Variants in NRG1 observed in about 807,000 individuals in gnomAD.
NRG1 encodes pro-neuregulin-1, membrane-bound isoform.
Under a neutral mutation model 63.8 loss-of-function variants are expected in NRG1, and 18 were observed. The observed-to-expected ratio is 0.28, with a 90% CI of 0.19 to 0.42. The LOEUF is 0.42. NRG1 is among the 10% of genes least tolerant of loss of function. NRG1 has a pLI of 1.00. For synonymous variants in NRG1, 302 were observed against 301.3 expected (o/e 1.00, Z -0.02); for missense variants, 762 against 814.7 (o/e 0.94, Z 0.79).
chr8:32,558,410 A>G (rs1835613167), intron 1 of NRG1, among the ~76,000 whole-genome samples: 1 of 152,176 alleles, frequency 6.6e-6, no homozygotes, highest in Non-Finnish European at 1.5e-5. Context: ...TTTACTTTCC[A>G]TTAAGATATG....
intron 1 of NRG1, among the ~76,000 whole-genome samples, chr8:32,520,982 C>T (rs1361645161): frequency 6.6e-6 from 1 of 152,190 alleles, no homozygotes; most frequent in East Asian, 1.9e-4. Context: ...TTCATGTAAT[C>T]ATAGCCCCAA....
chr8:32,747,759 C>A (rs60522548), intron 7 of NRG1, among the ~76,000 whole-genome samples: 4 of 108,186 alleles, frequency 3.7e-5, no homozygotes, highest in African/African-American at 1.1e-4. Context: ...TATATATATA[C>A]TTTAAAAAAT....
rs367763292 is a variant in NRG1, at chr8:32,284,489, GCCTTCCTTCCTTCCTT to G, written c.38-311301_38-311286del. ...ATAATGCTTGCCTCCCTGCCTGCCT[GCCTTCCTTCCTTCCTT>G]CCTTCCTTCCTTCCTTCCTTCCTTC... On this transcript the variant is annotated intron_variant, in intron 1 of 10. Coordinates refer to the NRG1 transcript ENST00000519301. 1.3e-3 allele frequency among the ~76,000 whole-genome samples: 179 copies of G among 132,610 alleles called. 1 individual carries two copies. The highest frequency in any genetic ancestry group is 9.7e-3 in the South Asian group (36 of 3,714). 87.0% of individuals were successfully genotyped at this position (132,610 alleles called of 152,430 possible). A position where few individuals can be genotyped will look rare whatever the true frequency, so the allele number is the denominator to read the frequency against.
At chr8:32,557,426 A>C (rs1447437993) in intron 1 of NRG1, among the ~76,000 whole-genome samples, 1 of 152,314 alleles carries the variant, frequency 6.6e-6, no homozygotes, top group Admixed American at 6.5e-5. Flanking sequence ...ACAACATTTT[A>C]TTGTTTAAAA....
At position 32,434,536 on chromosome 8, in the gene NRG1, G is replaced by A. The variant is rs16879379; in HGVS notation, c.38-161292G>A. On this transcript the variant is annotated intron_variant, in intron 1 of 10. Coordinates refer to the NRG1 transcript ENST00000519301. ...TCTTAATGCCCCAGAAGCCCAGATC[G>A]GGACCCACCACTGGGAGTTACAGCC... Among the ~76,000 whole-genome samples the A allele has an allele frequency of 8.1e-3, 1,227 of 152,174 alleles. 18 individuals carry two copies. The highest frequency in any genetic ancestry group is 0.027 in the African/African-American group (1,131 of 41,510).
At chr8:31,783,839 T>A (rs1421439637) in intron 1 of NRG1, among the ~76,000 whole-genome samples, 1 of 152,200 alleles carries the variant, frequency 6.6e-6, no homozygotes, top group Non-Finnish European at 1.5e-5. Context: ...ACGATCCTCA[T>A]AATTGCTAAA....
intron 1 of NRG1, among the ~76,000 whole-genome samples, chr8:31,983,855 C>T (rs1809588758): frequency 6.6e-6 from 1 of 152,010 alleles, no homozygotes; most frequent in African/African-American, 2.4e-5. Flanking sequence ...CAAGTTGAGT[C>T]TTGCTATAAG....
intron 1 of NRG1, among the ~76,000 whole-genome samples, chr8:32,567,281 A>G (rs376733117): frequency 3.0e-4 from 46 of 152,226 alleles, no homozygotes; most frequent in East Asian, 5.8e-4. Flanking sequence ...CAAAATGTCA[A>G]TGTGTTAATC....
intron 1 of NRG1, among the ~76,000 whole-genome samples, chr8:32,220,605 T>C (rs1319265957): frequency 1.3e-5 from 2 of 152,172 alleles, no homozygotes; most frequent in African/African-American, 4.8e-5. Context: ...GGGGAAAATA[T>C]ATCAGAACTA....
At chr8:32,373,914 T>C (rs1809274510) in intron 1 of NRG1, among the ~76,000 whole-genome samples, 3 of 152,192 alleles carry the variant, frequency 2.0e-5, no homozygotes, top group Non-Finnish European at 4.4e-5. Flanking sequence ...CTTCAAATAT[T>C]ATTATAACTG....
rs779091230 is a variant in NRG1, at chr8:31,640,737, C to G, written c.37+1306C>G. 6.4e-7 allele frequency: 1 copy of G among 1,553,954 alleles called. No homozygotes were observed. The highest frequency in any genetic ancestry group is 1.2e-5 in the South Asian group (1 of 84,020). ...TGCTGTGCAAGCGGTGCGGTAAGTT[C>G]CTCGCCCTTGGGGGCGCGAACCCGC... On this transcript the variant is annotated intron_variant, in intron 1 of 10. Transcript: ENST00000519301. This position sits in a 1 kb window ranked among gnomAD's most constrained non-coding sequence, Gnocchi z 6.3.
At chr8:31,868,926 C>CT (rs932738163) in intron 1 of NRG1, among the ~76,000 whole-genome samples, 1 of 152,176 alleles carries the variant, frequency 6.6e-6, no homozygotes, top group Non-Finnish European at 1.5e-5. Flanking sequence ...GTGATCACCT[C>CT]TAAAATCAGG....
intron 1 of NRG1, among the ~76,000 whole-genome samples, chr8:32,397,822 G>T (rs1203619255): frequency 6.6e-6 from 1 of 152,164 alleles, no homozygotes. Context: ...ATGAAAGCAA[G>T]TTGACATTCT....
intron 1 of NRG1, among the ~76,000 whole-genome samples, chr8:32,241,460 C>A (rs868841864): frequency 6.6e-6 from 1 of 152,104 alleles, no homozygotes; most frequent in Non-Finnish European, 1.5e-5. Flanking sequence ...TACAAAGCCT[C>A]GGATTGCATA....
intron 1 of NRG1, among the ~76,000 whole-genome samples, chr8:31,774,242 T>TTGCC (rs1432081123): frequency 6.6e-6 from 1 of 152,192 alleles, no homozygotes; most frequent in South Asian, 2.1e-4. Context: ...CCCCAGATTT[T>TTGCC]TGCCTGACTC....
At chr8:32,748,894 A>C (rs1210088455) in intron 7 of NRG1, 5 of 268,976 alleles carry the variant, frequency 1.9e-5, no homozygotes, top group African/African-American at 1.2e-4. Context: ...TTGGGGCAGA[A>C]GCATTTGTTG....
intron 1 of NRG1, among the ~76,000 whole-genome samples, chr8:32,122,982 C>T (rs1189072857): frequency 1.3e-5 from 2 of 151,914 alleles, no homozygotes; most frequent in East Asian, 3.9e-4. Flanking sequence ...CCATGGAATA[C>T]TATGCAGCCG....
At chr8:32,206,215 G>A (rs1389616447) in intron 1 of NRG1, among the ~76,000 whole-genome samples, 1 of 152,162 alleles carries the variant, frequency 6.6e-6, no homozygotes, top group African/African-American at 2.4e-5. Flanking sequence ...GTAGCAGAGA[G>A]CTCATGATCG....
intron 1 of NRG1, among the ~76,000 whole-genome samples, chr8:32,316,793 A>T (rs1857446941): frequency 7.8e-6 from 1 of 128,914 alleles, no homozygotes; most frequent in Non-Finnish European, 1.6e-5. Context: ...TCTGACTATC[A>T]GCTCCAAAAA....
Sources: gnomAD v4.1 joint callset for allele counts (sites outside exome capture counted in the v4.1 genomes callset) on GRCh38, gnomAD v4.1.1 for gene constraint, Gnocchi (gnomAD v3.1) non-coding constraint, MANE v1.5 for transcripts, NCBI Gene and HGNC (gene_info 2026-07-23, HGNC 2026-07-21) for gene names.